Variants in FGD5 observed in about 807,000 individuals in gnomAD.
FGD5 encodes FYVE, RhoGEF and PH domain-containing protein 5.
Under a neutral mutation model 133.4 loss-of-function variants are expected in FGD5, and 28 were observed. The observed-to-expected ratio is 0.21, with a 90% CI of 0.16 to 0.29. The LOEUF (loss-of-function observed/expected upper bound fraction) is 0.29, where lower values mean the gene tolerates loss of function less well. Among genes scored for constraint, FGD5 ranks in the 10% least tolerant of loss-of-function variants. FGD5 has a pLI of 1.00. For synonymous variants in FGD5, 810 were observed against 776.5 expected (o/e 1.04, Z -0.72); for missense variants, 1,858 against 1,895.2 (o/e 0.98, Z 0.36).
intron 1 of FGD5, among the ~76,000 whole-genome samples, chr3:14,860,190 C>T (rs1029571912): frequency 1.3e-5 from 2 of 152,156 alleles, no homozygotes; most frequent in African/African-American, 2.4e-5. Flanking sequence ...CATTTTGACA[C>T]CCCTAGGTAT....
intron 1 of FGD5, among the ~76,000 whole-genome samples, chr3:14,833,455 C>T (rs897661963): frequency 6.6e-6 from 1 of 152,170 alleles, no homozygotes; most frequent in Non-Finnish European, 1.5e-5. Flanking sequence ...CAGGAACCTC[C>T]TCTGATACAG....
At chr3:14,887,742 C>A (rs1342682723) in intron 4 of FGD5, among the ~76,000 whole-genome samples, 1 of 151,938 alleles carries the variant, frequency 6.6e-6, no homozygotes, top group Non-Finnish European at 1.5e-5. Flanking sequence ...AGGCATCCAG[C>A]CCAGTCTTCT....
At position 14,897,987 on chromosome 3, in the gene FGD5, G is replaced by A. The variant is rs773592779; in HGVS notation, c.2958G>A (p.Gly986=). 4 of 1,613,844 alleles carry A rather than the reference G, an allele frequency of 2.5e-6. No individual in the cohort carries two copies. The African/African-American group carries it at 4.0e-5, about 16-fold the overall frequency. The part of the protein sequence containing the change: ...VADVFLAREQ[G]FDHHATHILQ... ...ACGTCTTCCTGGCCCGGGAGCAGGG[G>A]TTTGATCACCACGCCACTCACATCC... The change falls in exon 6 of 20, where the codon GGG becomes GGA. Residue 986 remains glycine (G), a synonymous_variant. Transcript: ENST00000285046.
In FGD5 at chr3:14,845,659, A is replaced by G. The variant is rs553751758; in HGVS notation, c.2526-18469A>G. ...GACCCAGACCCTGGAGCCTGGTAAC[A>G]CTTGAAGGTGAACTTTGCATCAGAA... On this transcript the variant is annotated intron_variant, in intron 1 of 19. Coordinates refer to ENST00000285046, the MANE Select transcript of FGD5 (RefSeq NM_152536.4). 5.3e-5 allele frequency among the ~76,000 whole-genome samples: 8 copies of G among 152,306 alleles called. No homozygotes were observed. The South Asian group carries it at 1.7e-3, about 32-fold the overall frequency.
At chr3:14,932,899 G>C (rs2038922869) in intron 19 of FGD5, among the ~76,000 whole-genome samples, 168 bp downstream of exon 19, 1 of 152,136 alleles carries the variant, frequency 6.6e-6, no homozygotes, top group South Asian at 2.1e-4. Flanking sequence ...ATCATGTTTA[G>C]ACTGTTTTGA....
chr3:14,932,538 G>C, intron 18 of FGD5, 39 bp from the exon 19 acceptor site: 1 of 1,598,476 alleles, frequency 6.3e-7, no homozygotes. Flanking sequence ...TATGCAGAGT[G>C]TGGTGTTTAA....
At chr3:14,829,923 G>T (rs1326050825) in intron 1 of FGD5, among the ~76,000 whole-genome samples, 1 of 151,952 alleles carries the variant, frequency 6.6e-6, no homozygotes, top group Non-Finnish European at 1.5e-5. Flanking sequence ...TTTTACTACC[G>T]TAGACAGCGC....
At chr3:14,825,176 T>A (rs2036576842) in intron 1 of FGD5, among the ~76,000 whole-genome samples, 1 of 152,264 alleles carries the variant, frequency 6.6e-6, no homozygotes, top group Non-Finnish European at 1.5e-5. Context: ...GTGTAGTTAC[T>A]TCCTTTGAGA....
upstream of FGD5, chr3:14,810,743 G>C (rs1194927718): frequency 2.8e-5 from 26 of 935,180 alleles, no homozygotes; most frequent in South Asian, 6.4e-4. Context: ...CGGGCGCCAG[G>C]GGGTGCGGGC....
At chr3:14,926,013 G>T in intron 17 of FGD5, 57 bp from the exon 18 acceptor site, 1 of 1,603,878 alleles carries the variant, frequency 6.2e-7, no homozygotes. Flanking sequence ...ATTGTGCTCT[G>T]TTTGAACTGT....
intron 11 of FGD5, among the ~76,000 whole-genome samples, chr3:14,912,633 C>T (rs1284637232): frequency 6.6e-6 from 1 of 152,238 alleles, no homozygotes; most frequent in African/African-American, 2.4e-5. Flanking sequence ...TCCATCTCCT[C>T]TGCATGCCAG....
chr3:14,821,212 G>A lies in FGD5; in HGVS notation c.2141G>A (p.Arg714Gln), dbSNP rs775354263. 25 of 1,613,872 alleles carry A rather than the reference G, an allele frequency of 1.5e-5. No homozygotes were observed. Among genetic ancestry groups the A allele is most frequent in the African/African-American group, 6.7e-5 (5 of 74,994 alleles). Residue 714 changes from arginine (R) to glutamine (Q), a missense_variant, in exon 1 of 20, where the codon CGG becomes CAG. Arg to Gln is a conservative substitution (Grantham distance 43). Around this residue, in one of 3 missense-constraint regions of FGD5, gnomAD observed 1,824 missense variants for 1,848.9 expected, o/e 0.99. Coordinates refer to ENST00000285046, the MANE Select transcript of FGD5 (RefSeq NM_152536.4). The part of the protein sequence containing the change: ...PQLKSRTGKL[R>Q]ASESPSSLIF... ...CTTAAGTCTCGGACTGGGAAGCTCC[G>A]GGCTTCTGAATCCCCCTCCTCCCTC... is the stretch of plus-strand genomic sequence containing the variant.
rs1476823530 is a variant in FGD5, at chr3:14,819,634, G to T, written c.563G>T (p.Gly188Val). The T allele has an allele frequency of 3.2e-6, 5 of 1,550,746 alleles. No individual in the cohort carries two copies. Among genetic ancestry groups the T allele is most frequent in the East Asian group, 2.4e-5 (1 of 40,914 alleles). ...LEDSGPWAGEGVFQSDLLLPH... is the reference protein window; with the variant it reads ...LEDSGPWAGEVVFQSDLLLPH... ...GACAGTGGGCCTTGGGCTGGAGAGG[G>T]GGTCTTCCAGAGCGACCTCCTCCTG... Residue 188 changes from glycine (G) to valine (V), a missense_variant, in exon 1 of 20, where the codon GGG becomes GTG. Coordinates refer to ENST00000285046, the MANE Select transcript of FGD5 (RefSeq NM_152536.4). The surrounding 1 kb of genome is among the most constrained non-coding windows in gnomAD (Gnocchi z 4.1).
chr3:14,916,678 A>G (rs958009470), intron 11 of FGD5, among the ~76,000 whole-genome samples: 3 of 152,228 alleles, frequency 2.0e-5, no homozygotes, highest in African/African-American at 7.2e-5. Context: ...ACCTCCAGAA[A>G]GTTCCTCTGT....
Position 14,901,035 on chromosome 3 carries a change from C to G in FGD5, c.3238C>G (p.Arg1080Gly), listed in dbSNP as rs370335044. 1.1e-5 allele frequency: 17 copies of G among 1,613,874 alleles called. No homozygotes were observed. Among genetic ancestry groups the G allele is most frequent in the Non-Finnish European group, 1.4e-5 (16 of 1,179,886 alleles). ...GAGCCTCATCTCCAAAGTCACAGAC[C>G]GTGCCAACGACAGCATGGAGCAAGG... ...ALSLISKVTDRANDSMEQGEN... is the reference protein window; with the variant it reads ...ALSLISKVTDGANDSMEQGEN... Residue 1080 changes from arginine (R) to glycine (G), a missense_variant, in exon 9 of 20, where the codon CGT becomes GGT. Transcript: ENST00000285046.
intron 1 of FGD5, among the ~76,000 whole-genome samples, chr3:14,827,767 A>G (rs770017353): frequency 6.6e-6 from 1 of 151,934 alleles, no homozygotes; most frequent in Non-Finnish European, 1.5e-5. Context: ...TTGTGTGGCC[A>G]GCTGTGCCTG....
At chr3:14,892,920 A>T (rs555493320) in intron 4 of FGD5, among the ~76,000 whole-genome samples, 1 of 152,288 alleles carries the variant, frequency 6.6e-6, no homozygotes, top group Non-Finnish European at 1.5e-5. Flanking sequence ...CAATCCAACA[A>T]GGTAGAGGAA....
intron 4 of FGD5, among the ~76,000 whole-genome samples, chr3:14,885,291 T>C (rs537590345): frequency 6.6e-6 from 1 of 151,308 alleles, no homozygotes; most frequent in South Asian, 2.1e-4. Flanking sequence ...GCAAAACAGA[T>C]AGTGAGAAGA....
chr3:14,887,848 C>T (rs1163742511), intron 4 of FGD5, among the ~76,000 whole-genome samples: 4 of 152,004 alleles, frequency 2.6e-5, no homozygotes, highest in African/African-American at 4.8e-5. Flanking sequence ...TCAACATTTG[C>T]AAAGGCCTGG....
Sources: gnomAD v4.1 joint callset for allele counts (sites outside exome capture counted in the v4.1 genomes callset) on GRCh38, gnomAD v4.1.1 for gene constraint, gnomAD v4.1.1 regional missense constraint, Gnocchi (gnomAD v3.1) non-coding constraint, MANE v1.5 for transcripts, NCBI Gene and HGNC (gene_info 2026-07-23, HGNC 2026-07-21) for gene names.